RBKS: variants seen among roughly 807,000 people sequenced by gnomAD.
RBKS encodes ribokinase.
A neutral mutation model predicts 33.9 loss-of-function variants in RBKS; 33 were observed. The ratio of observed to expected loss-of-function variants is 0.97; its 90% CI spans 0.74 to 1.30. The LOEUF (loss-of-function observed/expected upper bound fraction) is 1.30, where lower values mean the gene tolerates loss of function less well. Ranked by LOEUF, RBKS falls within the 50% of genes most tolerant of loss-of-function variation. The probability of loss-of-function intolerance (pLI) is 0.00; values close to 1 mark genes in which losing one functional copy is unlikely to be tolerated. For missense variants in RBKS, 361 were observed against 392.6 expected, an observed-to-expected ratio of 0.92 and a Z score of 0.68; for synonymous variants, 125 against 143.0, an observed-to-expected ratio of 0.87 and a Z score of 0.90.
At position 27,852,144 on chromosome 2, in the gene RBKS, C is replaced by T. The variant is rs182321975; in HGVS notation, c.223-4047G>A. ...TCTTTGGAAATCCCAGGCTCAGTTC[C>T]GCCCTGAATATTGTAGAGTAGTGCC... On this transcript the variant is annotated intron_variant, in intron 2 of 7. Coordinates refer to ENST00000302188, the MANE Select transcript of RBKS (RefSeq NM_022128.3). Among the ~76,000 whole-genome samples, 23 of 152,258 alleles carry T rather than the reference C, an allele frequency of 1.5e-4. No individual in the cohort carries two copies. The East Asian group carries it at 2.5e-3, about 17-fold the overall frequency.
At chr2:27,796,601 C>T (rs1474401326) in intron 7 of RBKS, among the ~76,000 whole-genome samples, 5 of 152,038 alleles carry the variant, frequency 3.3e-5, no homozygotes, top group Admixed American at 1.3e-4. Context: ...ATCAGGGAAG[C>T]GCAAGGACAG....
At chr2:27,853,048 CTAGA>C (rs1004847573) in intron 2 of RBKS, among the ~76,000 whole-genome samples, 2 of 152,006 alleles carry the variant, frequency 1.3e-5, no homozygotes, top group Non-Finnish European at 2.9e-5. Flanking sequence ...TGTTTAAATC[CTAGA>C]TAAAGGGGTG....
chr2:27,861,232 T>C (rs574369424), intron 1 of RBKS, among the ~76,000 whole-genome samples: 1 of 152,028 alleles, frequency 6.6e-6, no homozygotes, highest in African/African-American at 2.4e-5. Context: ...CCTCCCAAAG[T>C]GCTGGGGTTA....
intron 7 of RBKS, among the ~76,000 whole-genome samples, chr2:27,789,517 G>A (rs1248891166): frequency 6.6e-6 from 1 of 150,706 alleles, no homozygotes; most frequent in Non-Finnish European, 1.5e-5. Context: ...TCCCACTTCA[G>A]CCTCCCAAGT....
At chr2:27,852,654 C>T (rs569953612) in intron 2 of RBKS, among the ~76,000 whole-genome samples, 1 of 152,294 alleles carries the variant, frequency 6.6e-6, no homozygotes, top group South Asian at 2.1e-4. Flanking sequence ...CCTCAACATA[C>T]ATTTGGGGTA....
At chr2:27,833,422 G>A (rs1203577928) in intron 5 of RBKS, among the ~76,000 whole-genome samples, 3 of 152,118 alleles carry the variant, frequency 2.0e-5, no homozygotes, top group Admixed American at 6.6e-5. Flanking sequence ...AAAGGAGGAG[G>A]AATTCAGTCA....
At chr2:27,811,761 C>T (rs928607217) in intron 7 of RBKS, among the ~76,000 whole-genome samples, 4 of 152,164 alleles carry the variant, frequency 2.6e-5, no homozygotes, top group South Asian at 2.1e-4. Flanking sequence ...AAAACTAGCA[C>T]GGCAAGAGCA....
intron 1 of RBKS, among the ~76,000 whole-genome samples, chr2:27,880,207 T>C (rs1219361104): frequency 1.3e-5 from 2 of 152,164 alleles, no homozygotes; most frequent in African/African-American, 2.4e-5. Context: ...GAAAAGGCTT[T>C]CCATAAAATG....
At chr2:27,879,170 C>CG (rs908623346) in intron 1 of RBKS, among the ~76,000 whole-genome samples, 2 of 152,068 alleles carry the variant, frequency 1.3e-5, no homozygotes, top group African/African-American at 4.8e-5. Flanking sequence ...AAATTTGGCT[C>CG]GGGGGCATCT....
chr2:27,827,847 T>C lies in RBKS; in HGVS notation c.607-92A>G, dbSNP rs543857089. 8 of 1,142,662 alleles carry C rather than the reference T, an allele frequency of 7.0e-6. No homozygotes were observed. The South Asian group carries it at 9.2e-5, about 13-fold the overall frequency. The allele number at this position is 1,142,662 out of a possible 1,614,324, so 70.8% of individuals were successfully genotyped here. A position where few individuals can be genotyped will look rare whatever the true frequency, so the allele number is the denominator to read the frequency against. ...GTTTTTCTAGAAAATGTCTCCCTTC[T>C]TTTTTATAACAACCAATGCAATGGG... On this transcript the variant is annotated intron_variant, in intron 6 of 7. Coordinates refer to ENST00000302188, the MANE Select transcript of RBKS (RefSeq NM_022128.3).
intron 2 of RBKS, among the ~76,000 whole-genome samples, chr2:27,852,354 T>C (rs1663767409): frequency 6.6e-6 from 1 of 152,152 alleles, no homozygotes; most frequent in Non-Finnish European, 1.5e-5. Flanking sequence ...GCTTCTGTAT[T>C]TGACAATGCA....
At chr2:27,859,648 A>T (rs902394338) in intron 1 of RBKS, among the ~76,000 whole-genome samples, 7 of 152,236 alleles carry the variant, frequency 4.6e-5, no homozygotes, top group African/African-American at 1.7e-4. Flanking sequence ...AGCTGGCCAC[A>T]GAGAAGTGGG....
chr2:27,875,019 G>C (rs574720439), intron 1 of RBKS, among the ~76,000 whole-genome samples: 65 of 152,054 alleles, frequency 4.3e-4, no homozygotes, highest in Non-Finnish European at 7.1e-4. Context: ...CAGAAAAATG[G>C]ACAAAGGACC....
At chr2:27,875,002 T>C (rs1664284412) in intron 1 of RBKS, among the ~76,000 whole-genome samples, 1 of 152,156 alleles carries the variant, frequency 6.6e-6, no homozygotes, top group African/African-American at 2.4e-5. Flanking sequence ...TCTTAAGGAG[T>C]GTCCAACAGA....
chr2:27,877,285 G>A (rs1664331811), intron 1 of RBKS, among the ~76,000 whole-genome samples: 1 of 145,916 alleles, frequency 6.9e-6, no homozygotes, highest in African/African-American at 2.5e-5. Context: ...GCTTTGTGTA[G>A]TTTTTTTTTT....
chr2:27,868,555 A>G (rs781455896), intron 1 of RBKS, among the ~76,000 whole-genome samples: 66 of 152,312 alleles, frequency 4.3e-4, no homozygotes, highest in Non-Finnish European at 8.5e-4. Flanking sequence ...ACACACAAAT[A>G]TTTACTTAAC....
At chr2:27,799,128 G>C (rs1201182487) in intron 7 of RBKS, among the ~76,000 whole-genome samples, 1 of 152,196 alleles carries the variant, frequency 6.6e-6, no homozygotes, top group Non-Finnish European at 1.5e-5. Flanking sequence ...ACGCCCTGTA[G>C]GAGGATGACA....
chr2:27,890,021 T>C lies in RBKS; in HGVS notation c.89+236A>G, dbSNP rs1333865816. ...CTTTGGGGAGCGCTTTGAGTAATAT[T>C]AGAGCTTTCACTAAACCCTGGCCTA... On this transcript the variant is annotated intron_variant, in intron 1 of 7. Transcript: ENST00000302188. The surrounding 1 kb of genome is among the most constrained non-coding windows in gnomAD (Gnocchi z 4.8). 5 of 462,902 alleles carry C rather than the reference T, an allele frequency of 1.1e-5. No homozygotes were observed. The East Asian group carries it at 1.4e-4, about 13-fold the overall frequency. The allele number at this position is 462,902 out of a possible 1,614,324, so 28.7% of individuals were successfully genotyped here.
intron 1 of RBKS, chr2:27,861,315 T>C: frequency 2.6e-6 from 1 of 379,094 alleles, no homozygotes; most frequent in Non-Finnish European, 5.4e-6. Context: ...TCTATTCCTG[T>C]TCTGAAATGA....
Sources: gnomAD v4.1 joint callset for allele counts (sites outside exome capture counted in the v4.1 genomes callset) on GRCh38, gnomAD v4.1.1 for gene constraint, Gnocchi (gnomAD v3.1) non-coding constraint, MANE v1.5 for transcripts, NCBI Gene and HGNC (gene_info 2026-07-23, HGNC 2026-07-21) for gene names.